Variants in PITPNC1 observed in about 807,000 individuals in gnomAD.
The protein encoded by PITPNC1 is cytoplasmic phosphatidylinositol transfer protein 1.
Under a neutral mutation model 44.7 loss-of-function variants are expected in PITPNC1, and 18 were observed. The ratio of observed to expected loss-of-function variants is 0.40; its 90% CI spans 0.28 to 0.60. The LOEUF (loss-of-function observed/expected upper bound fraction) is 0.60. Ranked by LOEUF, PITPNC1 falls within the 20% of genes least tolerant of loss-of-function variation. PITPNC1 has a pLI of 0.39. For missense variants in PITPNC1, 290 were observed against 418.4 expected (o/e 0.69, Z 2.68); for synonymous variants, 141 against 149.6 (o/e 0.94, Z 0.42).
At chr17:67,628,831 T>G (rs2041928587) in intron 5 of PITPNC1, among the ~76,000 whole-genome samples, 1 of 152,150 alleles carries the variant, frequency 6.6e-6, no homozygotes, top group Non-Finnish European at 1.5e-5. Flanking sequence ...GGCTTGCAGC[T>G]GGGGCAGAGC....
intron 5 of PITPNC1, among the ~76,000 whole-genome samples, chr17:67,587,811 C>T (rs749673728): frequency 9.9e-5 from 15 of 152,166 alleles, no homozygotes; most frequent in Non-Finnish European, 1.6e-4. Flanking sequence ...GTGCCTCCTT[C>T]GGGTAAATTG....
chr17:67,605,238 C>G (rs182722583), intron 5 of PITPNC1, among the ~76,000 whole-genome samples: 1 of 152,168 alleles, frequency 6.6e-6, no homozygotes, highest in Non-Finnish European at 1.5e-5. Flanking sequence ...CCCTATGTGC[C>G]TTCCTCAGCT....
intron 5 of PITPNC1, among the ~76,000 whole-genome samples, chr17:67,596,593 C>T (rs1189492820): frequency 2.0e-5 from 3 of 152,148 alleles, no homozygotes; most frequent in Non-Finnish European, 2.9e-5. Flanking sequence ...TCACTGCAAC[C>T]TCTGCCTCCT....
At chr17:67,536,519 G>C (rs534056945) in intron 2 of PITPNC1, among the ~76,000 whole-genome samples, 6 of 152,278 alleles carry the variant, frequency 3.9e-5, no homozygotes, top group African/African-American at 1.4e-4. Context: ...GAGCCACCGT[G>C]CCCAGCCTAA....
At chr17:67,682,934 G>A (rs2042738118) in intron 8 of PITPNC1, among the ~76,000 whole-genome samples, 1 of 152,068 alleles carries the variant, frequency 6.6e-6, no homozygotes, top group Non-Finnish European at 1.5e-5. Context: ...GGCCGAGGCG[G>A]GTGAATCACA....
chr17:67,543,764 T>C (rs1340855248), intron 2 of PITPNC1, among the ~76,000 whole-genome samples: 2 of 152,170 alleles, frequency 1.3e-5, no homozygotes, highest in African/African-American at 4.8e-5. Context: ...TGACATACTG[T>C]TGATATATAG....
intron 6 of PITPNC1, among the ~76,000 whole-genome samples, chr17:67,651,015 G>C (rs1392652060): frequency 6.6e-6 from 1 of 152,142 alleles, no homozygotes; most frequent in Non-Finnish European, 1.5e-5. Flanking sequence ...GCATTCTAGT[G>C]CCAAGAGCAA....
chr17:67,669,131 A>G (rs2042470783), intron 6 of PITPNC1, among the ~76,000 whole-genome samples: 1 of 152,002 alleles, frequency 6.6e-6, no homozygotes, highest in African/African-American at 2.4e-5. Flanking sequence ...TTTGAGATGG[A>G]GTTTCGCTCT....
At chr17:67,549,541 C>T (rs2040730070) in intron 2 of PITPNC1, among the ~76,000 whole-genome samples, 1 of 152,060 alleles carries the variant, frequency 6.6e-6, no homozygotes, top group Admixed American at 6.6e-5. Flanking sequence ...TCCTGAGGGA[C>T]CATTTACAAA....
At chr17:67,387,116 T>C (rs1262616511) in intron 1 of PITPNC1, among the ~76,000 whole-genome samples, 6 of 152,188 alleles carry the variant, frequency 3.9e-5, no homozygotes, top group African/African-American at 1.2e-4. Context: ...AACATCCAAA[T>C]CATTCAAACG....
chr17:67,628,195 G>A (rs768161002), intron 5 of PITPNC1, among the ~76,000 whole-genome samples: 8 of 151,960 alleles, frequency 5.3e-5, no homozygotes, highest in African/African-American at 1.2e-4. Flanking sequence ...AAGCCACTGC[G>A]GCCAGCTGAC....
chr17:67,648,181 C>G (rs1667629349), intron 6 of PITPNC1, among the ~76,000 whole-genome samples: 1 of 152,214 alleles, frequency 6.6e-6, no homozygotes, highest in Non-Finnish European at 1.5e-5. Context: ...GACAGTTAAT[C>G]TGGTGCTGAT....
At chr17:67,624,456 C>T (rs1315645177) in intron 5 of PITPNC1, among the ~76,000 whole-genome samples, 1 of 152,184 alleles carries the variant, frequency 6.6e-6, no homozygotes, top group Non-Finnish European at 1.5e-5. Context: ...AAGCCATCCT[C>T]ACAAAGTGCT....
At chr17:67,528,257 G>T (rs1252848971) in intron 1 of PITPNC1, among the ~76,000 whole-genome samples, 1 of 152,164 alleles carries the variant, frequency 6.6e-6, no homozygotes. Flanking sequence ...GGCCAGGCTG[G>T]TCTTGAACCC....
At chr17:67,692,160 C>G (rs772989732) in intron 8 of PITPNC1, among the ~76,000 whole-genome samples, 1 of 152,102 alleles carries the variant, frequency 6.6e-6, no homozygotes, top group Non-Finnish European at 1.5e-5. Context: ...ATTACCTTCT[C>G]TTTATGAAAA....
chr17:67,646,626 C>T (rs776543394), intron 6 of PITPNC1, among the ~76,000 whole-genome samples: 9 of 152,138 alleles, frequency 5.9e-5, no homozygotes, highest in Non-Finnish European at 8.8e-5. Flanking sequence ...CAGGCTCAAG[C>T]GATCCTCCTA....
chr17:67,581,989 C>T (rs538685215), intron 5 of PITPNC1, among the ~76,000 whole-genome samples: 5 of 152,010 alleles, frequency 3.3e-5, no homozygotes, highest in African/African-American at 1.2e-4. Context: ...GCAGAGATTG[C>T]GCCACTGCAC....
intron 5 of PITPNC1, among the ~76,000 whole-genome samples, chr17:67,592,615 A>T (rs1384723109): frequency 1.3e-5 from 2 of 152,258 alleles, no homozygotes; most frequent in Non-Finnish European, 2.9e-5. Context: ...ATTTGCACAA[A>T]GATAGAAATA....
In PITPNC1 at chr17:67,425,564, C is replaced by T. The variant is rs187456528; in HGVS notation, c.48+47362C>T. Among the ~76,000 whole-genome samples the T allele has an allele frequency of 9.7e-3, 1,460 of 150,534 alleles. 26 individuals are homozygous for T. Among genetic ancestry groups the T allele is most frequent in the Non-Finnish European group, 0.013 (902 of 67,646 alleles). On this transcript the variant is annotated intron_variant, in intron 1 of 8. Transcript: ENST00000581322. The stretch of plus-strand genomic sequence containing the variant: ...AGAGACAGGGTCTTGCTCTGTCACC[C>T]GGGCTGGAGTGCAGTGGCGCAATCA...
Sources: allele counts gnomAD v4.1 joint callset (sites outside exome capture counted in the v4.1 genomes callset), GRCh38; gene constraint gnomAD v4.1.1; transcripts MANE v1.5; gene names NCBI Gene and HGNC (gene_info 2026-07-23, HGNC 2026-07-21).